The following PAX3 variants were observed in gnomAD, a reference collection of about 807,000 sequenced individuals.
PAX3 encodes the protein paired box protein Pax-3.
Under a neutral mutation model 51.6 loss-of-function variants are expected in PAX3, and 14 were observed. That is an observed-to-expected ratio of 0.27 (90% CI 0.18 to 0.42). The LOEUF is 0.42. Ranked by LOEUF, PAX3 falls within the 10% of genes least tolerant of loss-of-function variation. The pLI is 1.00. For missense variants in PAX3, 540 were observed against 642.8 expected (o/e 0.84, Z 1.73); for synonymous variants, 280 against 253.4 (o/e 1.11, Z -1.00).
At chr2:222,217,874 G>C (rs1388472017) in intron 7 of PAX3, among the ~76,000 whole-genome samples, 3 of 152,128 alleles carry the variant, frequency 2.0e-5, no homozygotes, top group African/African-American at 7.2e-5. Flanking sequence ...ATAGCCCAAA[G>C]TTTACAGAAA....
intron 4 of PAX3, among the ~76,000 whole-genome samples, chr2:222,248,323 G>C (rs1693301912): frequency 6.6e-6 from 1 of 152,166 alleles, no homozygotes; most frequent in Non-Finnish European, 1.5e-5. Context: ...TGGACCAACT[G>C]TTTGTCATAA....
chr2:222,205,210 C>G (rs1691459564), intron 7 of PAX3, among the ~76,000 whole-genome samples: 1 of 152,128 alleles, frequency 6.6e-6, no homozygotes, highest in Non-Finnish European at 1.5e-5. Flanking sequence ...AGAAGATACC[C>G]TGTTTGCAGA....
intron 4 of PAX3, among the ~76,000 whole-genome samples, chr2:222,288,880 C>A (rs138220772): frequency 6.6e-6 from 1 of 152,190 alleles, no homozygotes; most frequent in Non-Finnish European, 1.5e-5. Flanking sequence ...TTGAAATGAT[C>A]CCGCTTTGAT....
intron 4 of PAX3, among the ~76,000 whole-genome samples, chr2:222,265,722 C>A (rs16863592): frequency 8.2e-5 from 12 of 146,228 alleles, no homozygotes; most frequent in Non-Finnish European, 1.7e-4. Context: ...TTTCCTCTAA[C>A]CTTTTCAGGA....
rs183500544 is a variant in PAX3 at position 222,287,839 on chromosome 2, T to C, written c.586+6328A>G. On this transcript the variant is annotated intron_variant, in intron 4 of 8. Transcript: ENST00000392070. ...CTGCTCTGTATGTCAAGATTCATCT[T>C]GCTCAAGAGTGAACAAGAGTAAAAA... Among the ~76,000 whole-genome samples, 29 of 152,338 alleles carry C rather than the reference T, an allele frequency of 1.9e-4. 1 individual carries two copies. The East Asian group carries it at 3.9e-3, about 20-fold the overall frequency.
intron 7 of PAX3, among the ~76,000 whole-genome samples, chr2:222,216,916 C>T (rs1223370137): frequency 2.0e-5 from 3 of 152,112 alleles, no homozygotes; most frequent in Admixed American, 6.6e-5. Flanking sequence ...ATATTTTTAA[C>T]ATGTCAAATA....
intron 5 of PAX3, among the ~76,000 whole-genome samples, chr2:222,227,067 T>TA (rs921729103): frequency 2.0e-5 from 3 of 151,894 alleles, no homozygotes; most frequent in Non-Finnish European, 4.4e-5. Flanking sequence ...TTTTTTAAAT[T>TA]AAAAAAATTA....
chr2:222,282,078 T>A (rs1464619908), intron 4 of PAX3, among the ~76,000 whole-genome samples: 1 of 152,248 alleles, frequency 6.6e-6, no homozygotes, highest in African/African-American at 2.4e-5. Flanking sequence ...ATCAAGATTT[T>A]GATTTCCAGA....
In PAX3 at chr2:222,266,572, G is replaced by A. The variant is rs113821749; in HGVS notation, c.586+27595C>T. Among the ~76,000 whole-genome samples the A allele has an allele frequency of 2.4e-3, 365 of 152,284 alleles. 3 individuals are homozygous for A. Among genetic ancestry groups the A allele is most frequent in the South Asian group, 7.5e-3 (36 of 4,824 alleles). On this transcript the variant is annotated intron_variant, in intron 4 of 8. Transcript: ENST00000392070. ...TTAAAATTGCAGGTTCTAGATTTGC[G>A]CAAACCTGGATTCTGAGCCCAGCTC...
chr2:222,269,266 G>A (rs1283069859), intron 4 of PAX3, among the ~76,000 whole-genome samples: 1 of 152,062 alleles, frequency 6.6e-6, no homozygotes, highest in Non-Finnish European at 1.5e-5. Context: ...GCCTTGAAAA[G>A]GCCTGTTGAA....
intron 4 of PAX3, among the ~76,000 whole-genome samples, chr2:222,280,158 C>A (rs114083736): frequency 1.3e-5 from 2 of 151,556 alleles, no homozygotes; most frequent in South Asian, 4.2e-4. Flanking sequence ...TTGCAATGAG[C>A]TGAGATTGTG....
intron 4 of PAX3, among the ~76,000 whole-genome samples, chr2:222,292,078 T>A (rs1338314844): frequency 6.7e-6 from 1 of 149,906 alleles, no homozygotes; most frequent in Non-Finnish European, 1.5e-5. Flanking sequence ...ATGTAGCAAT[T>A]GCCCTTGAAT....
chr2:222,205,660 G>A (rs1382158253), intron 7 of PAX3, among the ~76,000 whole-genome samples: 1 of 152,108 alleles, frequency 6.6e-6, no homozygotes. Context: ...TTCACACTGA[G>A]AAAACTTGAG....
At chr2:222,238,837 C>T (rs1268663212) in intron 4 of PAX3, among the ~76,000 whole-genome samples, 1 of 152,172 alleles carries the variant, frequency 6.6e-6, no homozygotes, top group African/African-American at 2.4e-5. Flanking sequence ...AAGGGTATTT[C>T]ACAAGTATAT....
chr2:222,295,354 C>A (rs1364077828), intron 3 of PAX3, among the ~76,000 whole-genome samples, 174 bp downstream of exon 3: 1 of 152,206 alleles, frequency 6.6e-6, no homozygotes, highest in African/African-American at 2.4e-5. Context: ...AAGCAGCTCA[C>A]CCCTCCCTCC....
intron 7 of PAX3, among the ~76,000 whole-genome samples, chr2:222,218,633 A>C (rs1319409010): frequency 6.6e-6 from 1 of 152,244 alleles, no homozygotes; most frequent in African/African-American, 2.4e-5. Context: ...CTCATATGCC[A>C]TGAATCTGGG....
intron 5 of PAX3, among the ~76,000 whole-genome samples, chr2:222,224,218 T>G (rs1692300262): frequency 2.0e-5 from 3 of 152,090 alleles, no homozygotes; most frequent in South Asian, 4.1e-4. Context: ...ATATCCACAA[T>G]AAAAAATGAA....
At chr2:222,236,830 T>A (rs1457681037) in intron 4 of PAX3, among the ~76,000 whole-genome samples, 2 of 152,184 alleles carry the variant, frequency 1.3e-5, no homozygotes, top group African/African-American at 4.8e-5. Context: ...CAAAGAAAAT[T>A]TCCTTCATTA....
intron 5 of PAX3, among the ~76,000 whole-genome samples, chr2:222,222,528 C>T (rs895117196): frequency 6.6e-6 from 1 of 151,994 alleles, no homozygotes; most frequent in Non-Finnish European, 1.5e-5. Flanking sequence ...CTCAGCCTCC[C>T]CAGTAGCTAT....
Sources: allele counts gnomAD v4.1 joint callset (sites outside exome capture counted in the v4.1 genomes callset), GRCh38; gene constraint gnomAD v4.1.1; transcripts MANE v1.5; gene names NCBI Gene and HGNC (gene_info 2026-07-23, HGNC 2026-07-21).